The following CYTH1 variants were observed in gnomAD, a reference collection of about 807,000 sequenced individuals.
CYTH1 encodes the protein cytohesin 1, also known as cytohesin-1.
In CYTH1, 18 loss-of-function variants were observed where a neutral mutation model predicts 61.8. That is an observed-to-expected ratio of 0.29 (90% CI 0.20 to 0.43). The LOEUF (loss-of-function observed/expected upper bound fraction) is 0.43. Ranked by LOEUF, CYTH1 falls within the 20% of genes least tolerant of loss-of-function variation. The pLI, the probability that CYTH1 is intolerant of heterozygous loss-of-function variation, is 1.00. For missense variants in CYTH1, 336 were observed against 510.5 expected, an observed-to-expected ratio of 0.66 and a Z score of 3.29; for synonymous variants, 174 against 184.3, an observed-to-expected ratio of 0.94 and a Z score of 0.45.
chr17:78,723,909 C>T (rs532909558), intron 1 of CYTH1: 7 of 152,432 alleles, frequency 4.6e-5, no homozygotes, highest in Admixed American at 3.3e-4. Context: ...GCTCCAACAC[C>T]GTCCTGGAGG....
intron 1 of CYTH1, among the ~76,000 whole-genome samples, chr17:78,771,779 T>C (rs1364180872): frequency 6.6e-6 from 1 of 150,744 alleles, no homozygotes; most frequent in African/African-American, 2.4e-5. Flanking sequence ...ATATAAAGAC[T>C]TGGATAAGGA....
At chr17:78,690,192 G>A (rs1353551901) in intron 11 of CYTH1, among the ~76,000 whole-genome samples, 4 of 151,396 alleles carry the variant, frequency 2.6e-5, no homozygotes, top group East Asian at 1.9e-4. Flanking sequence ...TCAGGAGATC[G>A]AGACCATCCT....
At chr17:78,725,390 T>G (rs1031020179) in intron 1 of CYTH1, among the ~76,000 whole-genome samples, 2 of 152,376 alleles carry the variant, frequency 1.3e-5, no homozygotes, top group Non-Finnish European at 1.5e-5. Context: ...TACCACCATG[T>G]TTCCCAGGGA....
rs2093190472 is a variant in CYTH1, at chr17:78,717,376, C to G, written c.23-7644G>C. On this transcript the variant is annotated intron_variant, in intron 1 of 13. Coordinates refer to ENST00000446868, the MANE Select transcript of CYTH1 (RefSeq NM_004762.6). The surrounding 1 kb of genome is among the most constrained non-coding windows in gnomAD (Gnocchi z 4.4). ...GGACGGTCCAGCATCAGCCCCATCA[C>G]CATTCCTTTCCAGGGTTCCAATTTA... Among the ~76,000 whole-genome samples, 1 of 152,318 alleles carries G rather than the reference C, an allele frequency of 6.6e-6. No individual in the cohort carries two copies. Among genetic ancestry groups the G allele is most frequent in the African/African-American group, 2.4e-5 (1 of 41,562 alleles).
intron 1 of CYTH1, among the ~76,000 whole-genome samples, chr17:78,722,923 CT>C (rs1311900134): frequency 6.6e-6 from 1 of 152,138 alleles, no homozygotes; most frequent in Non-Finnish European, 1.5e-5. Context: ...TTCTGCCCCC[CT>C]ATTTCAAACC....
chr17:78,729,957 C>T (rs1461036281), intron 1 of CYTH1, among the ~76,000 whole-genome samples: 1 of 152,182 alleles, frequency 6.6e-6, no homozygotes, highest in African/African-American at 2.4e-5. Context: ...GGATCCACAA[C>T]TAACACAAAA....
chr17:78,727,914 C>T (rs888215145), intron 1 of CYTH1: 1 of 332,318 alleles, frequency 3.0e-6, no homozygotes. Context: ...AAGCTCTGCA[C>T]CTTTGAGATC....
intron 1 of CYTH1, among the ~76,000 whole-genome samples, chr17:78,742,038 T>C (rs2093343859): frequency 6.6e-6 from 1 of 152,248 alleles, no homozygotes; most frequent in African/African-American, 2.4e-5. Flanking sequence ...TGTTGTAACT[T>C]ACTTAACCAC....
intron 1 of CYTH1, among the ~76,000 whole-genome samples, chr17:78,748,906 A>C (rs1598906542): frequency 6.6e-6 from 1 of 152,158 alleles, no homozygotes; most frequent in East Asian, 1.9e-4. Context: ...GGTGTACTCC[A>C]CCCATCCTTT....
chr17:78,753,427 C>CT (rs1485168262), intron 1 of CYTH1, among the ~76,000 whole-genome samples: 1 of 152,164 alleles, frequency 6.6e-6, no homozygotes, highest in Non-Finnish European at 1.5e-5. Context: ...TAGCTCAACA[C>CT]TTTCGGGAGG....
chr17:78,700,520 A>C lies in CYTH1; in HGVS notation c.438-77T>G. On this transcript the variant is annotated intron_variant, in intron 6 of 13. Transcript: ENST00000446868. This position sits in a 1 kb window ranked among gnomAD's most constrained non-coding sequence, Gnocchi z 5.1. ...TCTATGAATTGTTAAACTGCCAATG[A>C]TTTTTTTTTTCTTTTTTTTTTTGAG... is the stretch of plus-strand genomic sequence containing the variant. 9.5e-7 allele frequency: 1 copy of C among 1,050,542 alleles called. No homozygotes were observed. Among genetic ancestry groups the C allele is most frequent in the Non-Finnish European group, 1.3e-6 (1 of 748,382 alleles). 65.1% of individuals were successfully genotyped at this position (1,050,542 alleles called of 1,614,324 possible).
intron 1 of CYTH1, among the ~76,000 whole-genome samples, chr17:78,750,155 A>AT (rs1471531604): frequency 2.6e-5 from 4 of 152,214 alleles, no homozygotes; most frequent in Non-Finnish European, 5.9e-5. Context: ...CCACTAGCAC[A>AT]TCAGCAGCAG....
chr17:78,689,184 C>T (rs1296498088), intron 11 of CYTH1, among the ~76,000 whole-genome samples: 1 of 152,166 alleles, frequency 6.6e-6, no homozygotes. Flanking sequence ...AATTGAAGTA[C>T]ATCAGCTCAC....
rs1286325618 is a variant in CYTH1, at chr17:78,675,875, G to A, written c.*216C>T. On this transcript the variant is annotated 3_prime_UTR_variant, in exon 14 of 14. Coordinates refer to ENST00000446868, the MANE Select transcript of CYTH1 (RefSeq NM_004762.6). Reference sequence around the variant, plus strand: ...CCCTGTGAGAGAGGAAGGCTCTGGAGCCCATGCTGGACAGGTGGCCGGTCC... The same window carrying A: ...CCCTGTGAGAGAGGAAGGCTCTGGAACCCATGCTGGACAGGTGGCCGGTCC... 52 of 1,475,696 alleles carry A rather than the reference G, an allele frequency of 3.5e-5. No homozygotes were observed. The highest frequency in any genetic ancestry group is 4.1e-5 in the Non-Finnish European group (46 of 1,112,952). 91.4% of individuals were successfully genotyped at this position (1,475,696 alleles called of 1,614,324 possible). A position where few individuals can be genotyped will look rare whatever the true frequency, so the allele number is the denominator to read the frequency against.
chr17:78,730,426 C>A (rs1348686191), intron 1 of CYTH1, among the ~76,000 whole-genome samples: 1 of 148,176 alleles, frequency 6.7e-6, no homozygotes, highest in Non-Finnish European at 1.5e-5. Context: ...GTAGTCCCAG[C>A]TATTCTGGAA....
At chr17:78,746,558 T>TC (rs1238605293) in intron 1 of CYTH1, among the ~76,000 whole-genome samples, 10 of 152,200 alleles carry the variant, frequency 6.6e-5, no homozygotes. Context: ...GAGATTCTCT[T>TC]ACTTTCCATC....
chr17:78,701,846 G>T, intron 5 of CYTH1, 95 bp from the exon 6 acceptor site: 1 of 1,255,212 alleles, frequency 8.0e-7, no homozygotes, highest in Non-Finnish European at 1.2e-6. Flanking sequence ...ACTGCGTCCT[G>T]TGGTCCTGTG....
intron 1 of CYTH1, among the ~76,000 whole-genome samples, chr17:78,745,961 C>G (rs2093358085): frequency 6.6e-6 from 1 of 152,114 alleles, no homozygotes; most frequent in African/African-American, 2.4e-5. Flanking sequence ...TCATGTTCTA[C>G]CCAGCGCATG....
chr17:78,760,417 A>G (rs1387379827), intron 1 of CYTH1, among the ~76,000 whole-genome samples: 8 of 83,772 alleles, frequency 9.5e-5, no homozygotes, highest in African/African-American at 3.5e-4. Flanking sequence ...GTGTATATAT[A>G]TATATATACA....
Sources: gnomAD v4.1 joint callset for allele counts (sites outside exome capture counted in the v4.1 genomes callset) on GRCh38, gnomAD v4.1.1 for gene constraint, Gnocchi (gnomAD v3.1) non-coding constraint, MANE v1.5 for transcripts, NCBI Gene and HGNC (gene_info 2026-07-23, HGNC 2026-07-21) for gene names.